The following CNTN4 variants were observed in gnomAD, a reference collection of about 807,000 sequenced individuals.
The protein encoded by CNTN4 is contactin 4.
In CNTN4, 77 loss-of-function variants were observed where a neutral mutation model predicts 122.5. The observed-to-expected ratio is 0.63, with a 90% CI of 0.52 to 0.76. CNTN4 has a LOEUF of 0.76. Ranked by LOEUF, CNTN4 falls within the 30% of genes least tolerant of loss-of-function variation. The pLI, the probability that CNTN4 is intolerant of heterozygous loss-of-function variation, is 0.00. For synonymous variants in CNTN4, 512 were observed against 447.0 expected, an observed-to-expected ratio of 1.15 and a Z score of -1.83; for missense variants, 1,256 against 1,259.1, an observed-to-expected ratio of 1.00 and a Z score of 0.04.
At chr3:2,697,837 G>A (rs1236094502) in intron 4 of CNTN4, among the ~76,000 whole-genome samples, 2 of 152,116 alleles carry the variant, frequency 1.3e-5, no homozygotes, top group African/African-American at 4.8e-5. Context: ...TTACAGTCTT[G>A]GAGTCCAAAG....
chr3:2,796,758 T>C (rs1440201420), intron 6 of CNTN4, among the ~76,000 whole-genome samples: 1 of 152,172 alleles, frequency 6.6e-6, no homozygotes, highest in East Asian at 1.9e-4. Flanking sequence ...TGAAGAGAGA[T>C]TAAGGGAAAG....
intron 18 of CNTN4, among the ~76,000 whole-genome samples, 166 bp from the exon 19 acceptor site, chr3:3,038,767 C>T (rs890849365): frequency 2.0e-5 from 3 of 150,526 alleles, no homozygotes; most frequent in Non-Finnish European, 4.4e-5. Context: ...TTCACTTCCT[C>T]GAGCGGTCGC....
chr3:2,677,162 T>TAGATAGAC (rs1213682086), intron 4 of CNTN4, among the ~76,000 whole-genome samples: 7 of 150,766 alleles, frequency 4.6e-5, no homozygotes, highest in Non-Finnish European at 1.0e-4. Context: ...GATAGATAGA[T>TAGATAGAC]AGATAGATAG....
At chr3:2,223,166 G>A (rs538036301) in intron 2 of CNTN4, among the ~76,000 whole-genome samples, 6 of 152,164 alleles carry the variant, frequency 3.9e-5, no homozygotes, top group African/African-American at 1.4e-4. Context: ...TTCACCAAAG[G>A]GGAATGGAGA....
intron 3 of CNTN4, among the ~76,000 whole-genome samples, chr3:2,525,826 T>G (rs111268819): frequency 3.9e-5 from 6 of 152,168 alleles, no homozygotes; most frequent in Non-Finnish European, 8.8e-5. Context: ...TTATTCAGTT[T>G]GCTTTGTAGT....
At chr3:2,728,574 G>T (rs975095603) in intron 4 of CNTN4, among the ~76,000 whole-genome samples, 1 of 152,158 alleles carries the variant, frequency 6.6e-6, no homozygotes, top group Non-Finnish European at 1.5e-5. Context: ...AAAGCAACAC[G>T]TTCCCACTGA....
chr3:2,875,436 T>C (rs2093832541), intron 8 of CNTN4, among the ~76,000 whole-genome samples: 1 of 152,218 alleles, frequency 6.6e-6, no homozygotes, highest in Admixed American at 6.5e-5. Context: ...TCTCAAACTT[T>C]GCTATCTTCT....
chr3:2,103,013 T>A (rs2032117679), intron 2 of CNTN4, among the ~76,000 whole-genome samples: 1 of 152,050 alleles, frequency 6.6e-6, no homozygotes, highest in Non-Finnish European at 1.5e-5. Flanking sequence ...ATTATTGAGA[T>A]ACTTTTTAAA....
At chr3:2,505,789 G>T (rs2076715390) in intron 3 of CNTN4, among the ~76,000 whole-genome samples, 1 of 152,188 alleles carries the variant, frequency 6.6e-6, no homozygotes. Flanking sequence ...TCCCTGAAAA[G>T]AGCTTTTAAA....
At chr3:2,642,210 A>C (rs927061162) in intron 4 of CNTN4, among the ~76,000 whole-genome samples, 1 of 152,184 alleles carries the variant, frequency 6.6e-6, no homozygotes, top group South Asian at 2.1e-4. Flanking sequence ...TTGCAGTACA[A>C]TGTTTGAAGG....
intron 13 of CNTN4, among the ~76,000 whole-genome samples, chr3:2,935,991 G>A (rs2094564404): frequency 6.6e-6 from 1 of 152,220 alleles, no homozygotes; most frequent in South Asian, 2.1e-4. Context: ...AGAGTGAAAG[G>A]TTTGAGCAGG....
At chr3:2,552,646 A>G (rs1333590946) in intron 3 of CNTN4, among the ~76,000 whole-genome samples, 1 of 152,234 alleles carries the variant, frequency 6.6e-6, no homozygotes, top group African/African-American at 2.4e-5. Flanking sequence ...GTGGACATCT[A>G]GAAAAGTTAT....
chr3:2,955,723 A>T (rs892827641), intron 13 of CNTN4, among the ~76,000 whole-genome samples: 4 of 152,290 alleles, frequency 2.6e-5, no homozygotes, highest in African/African-American at 9.6e-5. Flanking sequence ...TGAAAGAGGG[A>T]TAGGTTTTTA....
At position 2,390,845 on chromosome 3, in the gene CNTN4, G is replaced by A. The variant is rs563063480; in HGVS notation, c.-89+51612G>A. Among the ~76,000 whole-genome samples the A allele has an allele frequency of 7.9e-5, 12 of 152,230 alleles. No individual in the cohort carries two copies. The South Asian group carries it at 2.5e-3, about 32-fold the overall frequency. On this transcript the variant is annotated intron_variant, in intron 3 of 24. Transcript: ENST00000418658. Reference sequence around the variant, plus strand: ...CTTGCACTTGGAAATTTTGCTCAGTGAATTGCCCGACCCAAACCTTCAATT... The same window carrying A: ...CTTGCACTTGGAAATTTTGCTCAGTAAATTGCCCGACCCAAACCTTCAATT...
In CNTN4 at chr3:2,550,764, G is replaced by A. The variant is rs536814901; in HGVS notation, c.-88-20652G>A. ...GCACATATATACCATGGAATACTACGTAGCCATAAAAAAGGATGAGCGTAT... is the reference window on the plus strand; with the variant it reads ...GCACATATATACCATGGAATACTACATAGCCATAAAAAAGGATGAGCGTAT... On this transcript the variant is annotated intron_variant, in intron 3 of 24. Transcript: ENST00000418658. Among the ~76,000 whole-genome samples, 64 of 152,212 alleles carry A rather than the reference G, an allele frequency of 4.2e-4. 2 individuals are homozygous for A. The South Asian group carries it at 1.0e-2, about 24-fold the overall frequency.
At chr3:2,948,716 G>A (rs1909396) in intron 13 of CNTN4, among the ~76,000 whole-genome samples, 11,215 of 152,076 alleles carry the variant, frequency 0.074, 472 homozygotes, top group Middle Eastern at 0.12. Context: ...ACCCCATGTT[G>A]AATCACAGAA....
intron 10 of CNTN4, among the ~76,000 whole-genome samples, chr3:2,888,969 A>C (rs1327717585): frequency 6.6e-6 from 1 of 151,980 alleles, no homozygotes; most frequent in Non-Finnish European, 1.5e-5. Flanking sequence ...CAGAATGGCC[A>C]CCAGGCAGAC....
chr3:2,380,930 G>T (rs191380062), intron 3 of CNTN4, among the ~76,000 whole-genome samples: 2 of 151,978 alleles, frequency 1.3e-5, no homozygotes, highest in South Asian at 4.2e-4. Flanking sequence ...ATTCAACACT[G>T]TTATTTTCTA....
At chr3:2,118,861 A>G (rs540591227) in intron 2 of CNTN4, among the ~76,000 whole-genome samples, 3 of 152,346 alleles carry the variant, frequency 2.0e-5, no homozygotes, top group Admixed American at 2.0e-4. Context: ...TCTTGTTATG[A>G]CATTTAGAAA....
Sources: allele counts gnomAD v4.1 joint callset (sites outside exome capture counted in the v4.1 genomes callset), GRCh38; gene constraint gnomAD v4.1.1; transcripts MANE v1.5; gene names NCBI Gene and HGNC (gene_info 2026-07-23, HGNC 2026-07-21).